The following MAST2 variants were observed in gnomAD, a reference collection of about 807,000 sequenced individuals.
MAST2 encodes the protein microtubule-associated serine/threonine-protein kinase 2.
In MAST2, 70 loss-of-function variants were observed where a neutral mutation model predicts 147.4. The observed-to-expected ratio is 0.47, with a 90% confidence interval of 0.39 to 0.58. MAST2 has a LOEUF of 0.58. Among genes scored for constraint, MAST2 ranks in the 20% least tolerant of loss-of-function variants. The pLI is 0.00. For synonymous variants in MAST2, 869 were observed against 896.8 expected (o/e 0.97, Z 0.55); for missense variants, 2,080 against 2,302.3 (o/e 0.90, Z 1.98).
rs749394760 is a variant in MAST2, at chr1:45,838,469, C to T, written c.468+8888C>T. Among the ~76,000 whole-genome samples, 45 of 152,006 alleles carry T rather than the reference C, an allele frequency of 3.0e-4. 1 individual carries two copies. In the Middle Eastern group the frequency reaches 0.034, roughly 115 times the overall value. On this transcript the variant is annotated intron_variant, in intron 3 of 28. Transcript: ENST00000361297. Reference sequence around the variant, plus strand: ...AACTCCTGACCTCAGGTGATCCACCCGCCTAGGCTTTCCAAAGTGCTGGGA... The same window carrying T: ...AACTCCTGACCTCAGGTGATCCACCTGCCTAGGCTTTCCAAAGTGCTGGGA...
rs35474583 is a variant in MAST2, at chr1:46,035,492, C to T, written c.4823C>T (p.Thr1608Ile). ...CCCAACCTAGGTCAGTCTGGAGCCACAGACCCCATCCCTCCTGAAGGTTGC... is the reference window on the plus strand; with the variant it reads ...CCCAACCTAGGTCAGTCTGGAGCCATAGACCCCATCCCTCCTGAAGGTTGC... ...AGPNLGQSGA[T>I]DPIPPEGCWK... Residue 1608 changes from threonine (T) to isoleucine (I), a missense_variant, in exon 29 of 29, where the codon ACA (threonine) becomes ATA (isoleucine). Thr to Ile is a moderately conservative substitution (Grantham distance 89). Transcript: ENST00000361297. This position sits in a 1 kb window ranked among gnomAD's most constrained non-coding sequence, Gnocchi z 5.5. 5.5e-4 allele frequency: 888 copies of T among 1,613,346 alleles called. 7 individuals carry two copies. The African/African-American group carries it at 0.011, about 20-fold the overall frequency.
In MAST2 at chr1:45,980,275, C is replaced by CAAAAA. The variant is rs35235290; in HGVS notation, c.593-17431_593-17427dup. The stretch of plus-strand genomic sequence containing the variant: ...GGGCAACAGAGTGAGACTGTGTTTC[C>CAAAAA]AAAAAAAAAAAAAAAAAAAAAAGGC... On this transcript the variant is annotated intron_variant, in intron 5 of 28. Transcript: ENST00000361297. 1.5e-3 allele frequency among the ~76,000 whole-genome samples: 129 copies of CAAAAA among 84,014 alleles called. 3 individuals are homozygous for CAAAAA. The highest frequency in any genetic ancestry group is 8.1e-3 in the East Asian group (21 of 2,602). The allele number at this position is 84,014 out of a possible 152,430, so 55.1% of individuals were successfully genotyped here.
rs377616815 is a variant in MAST2, at chr1:46,023,284, G to A, written c.1537G>A (p.Glu513Lys). Residue 513 changes from glutamate (E) to lysine (K), a missense_variant, in exon 14 of 29, where the codon GAG becomes AAG. By Grantham distance (56) the Glu-to-Lys change is moderately conservative (BLOSUM62 1). This residue lies in a region of MAST2 where 569 missense variants were observed against 642.5 expected (regional missense o/e 0.89). Coordinates refer to ENST00000361297, the MANE Select transcript of MAST2 (RefSeq NM_015112.3). This position sits in a 1 kb window ranked among gnomAD's most constrained non-coding sequence, Gnocchi z 4.9. ...SKKTPSEEDF[E>K]TIKLISNGAY... ...AAAGACACCCTCTGAAGAGGACTTCGAGACCATTAAGCTCATCAGCAATGG... is the reference window on the plus strand; with the variant it reads ...AAAGACACCCTCTGAAGAGGACTTCAAGACCATTAAGCTCATCAGCAATGG... 2.1e-5 allele frequency: 34 copies of A among 1,614,052 alleles called. No homozygotes were observed. The highest frequency in any genetic ancestry group is 6.7e-5 in the Admixed American group (4 of 60,012).
chr1:45,967,413 C>A (rs759137284), intron 5 of MAST2, among the ~76,000 whole-genome samples: 4 of 152,070 alleles, frequency 2.6e-5, no homozygotes, highest in Non-Finnish European at 5.9e-5. Context: ...CTACTAATAG[C>A]CTGCTGTTGA....
chr1:45,908,512 ATTTTC>A (rs1480296323), intron 4 of MAST2, among the ~76,000 whole-genome samples: 2 of 152,014 alleles, frequency 1.3e-5, no homozygotes, highest in Non-Finnish European at 2.9e-5. Flanking sequence ...ATATTTTCTA[ATTTTC>A]TTTGTCATTT....
At chr1:45,810,421 G>T (rs926655862) in intron 1 of MAST2, among the ~76,000 whole-genome samples, 2 of 152,168 alleles carry the variant, frequency 1.3e-5, no homozygotes, top group African/African-American at 4.8e-5. Context: ...ACTATAATCG[G>T]TTTGTTATTG....
chr1:45,907,849 T>C (rs1281023242), intron 4 of MAST2, among the ~76,000 whole-genome samples: 1 of 152,246 alleles, frequency 6.6e-6, no homozygotes, highest in Non-Finnish European at 1.5e-5. Context: ...TTATGTCACT[T>C]AGCATAATGC....
At chr1:45,927,336 C>T (rs979792483) in intron 4 of MAST2, among the ~76,000 whole-genome samples, 6 of 152,206 alleles carry the variant, frequency 3.9e-5, no homozygotes, top group East Asian at 3.9e-4. Context: ...ATTTATTAGG[C>T]GGGAATTTCC....
chr1:46,023,307 T>C lies in MAST2; in HGVS notation c.1560T>C (p.Asn520=). Residue 520 remains asparagine (N), a synonymous_variant, in exon 14 of 29, where the codon AAT becomes AAC. Transcript: ENST00000361297. This position sits in a 1 kb window ranked among gnomAD's most constrained non-coding sequence, Gnocchi z 4.9. ...TCGAGACCATTAAGCTCATCAGCAATGGCGCCTATGGGTAAAGGCAGGGGT... is the reference window on the plus strand; with the variant it reads ...TCGAGACCATTAAGCTCATCAGCAACGGCGCCTATGGGTAAAGGCAGGGGT... ...EDFETIKLIS[N]GAYGAVFLVR... is the part of the protein sequence containing the mutation. 1.2e-6 allele frequency: 2 copies of C among 1,614,086 alleles called. No individual in the cohort carries two copies. Among genetic ancestry groups the C allele is most frequent in the South Asian group, 1.1e-5 (1 of 91,082 alleles).
intron 4 of MAST2, among the ~76,000 whole-genome samples, chr1:45,943,953 C>G (rs1292826353): frequency 1.3e-5 from 2 of 152,072 alleles, no homozygotes; most frequent in African/African-American, 2.4e-5. Flanking sequence ...GGTGTTCCTC[C>G]TCTTGAATTC....
At chr1:45,865,460 T>C (rs1266363912) in intron 3 of MAST2, among the ~76,000 whole-genome samples, 1 of 152,174 alleles carries the variant, frequency 6.6e-6, no homozygotes, top group Non-Finnish European at 1.5e-5. Context: ...GGTGAACATA[T>C]TCTGTTCCTG....
chr1:45,811,888 C>A (rs1243918446), intron 1 of MAST2, among the ~76,000 whole-genome samples: 1 of 152,176 alleles, frequency 6.6e-6, no homozygotes, highest in Admixed American at 6.5e-5. Flanking sequence ...CCTGTCTCGG[C>A]CTCCCAAAGT....
At chr1:45,839,408 G>A (rs574271058) in intron 3 of MAST2, among the ~76,000 whole-genome samples, 77 of 152,188 alleles carry the variant, frequency 5.1e-4, no homozygotes, top group African/African-American at 1.8e-3. Flanking sequence ...GATCACAGGC[G>A]TGAGCCACCA....
At chr1:45,975,493 TCCAAAA>T (rs1644102204) in intron 5 of MAST2, among the ~76,000 whole-genome samples, 1 of 57,568 alleles carries the variant, frequency 1.7e-5, no homozygotes, top group African/African-American at 5.9e-5. Flanking sequence ...TCCCTGTCTC[TCCAAAA>T]AAAAAAAAAA....
chr1:45,984,478 T>A (rs1644535950), intron 5 of MAST2, among the ~76,000 whole-genome samples: 1 of 151,868 alleles, frequency 6.6e-6, no homozygotes, highest in Non-Finnish European at 1.5e-5. Flanking sequence ...AATAATTTTT[T>A]AAATTTTTGT....
In MAST2 at chr1:46,032,578, G is replaced by A; in HGVS notation, c.3415-18G>A. 1 of 1,613,294 alleles carries A rather than the reference G, an allele frequency of 6.2e-7. No individual in the cohort carries two copies. Among genetic ancestry groups the A allele is most frequent in the Non-Finnish European group, 8.5e-7 (1 of 1,179,522 alleles). ...GTGTTCAGGCTCCAGTCTGAGTACT[G>A]TTCTCTTCCTGGCACAGCACGTGGA... On this transcript the variant is annotated intron_variant, in intron 25 of 28. Transcript: ENST00000361297.
At chr1:46,004,160 C>T (rs543792665) in intron 7 of MAST2, among the ~76,000 whole-genome samples, 15 of 151,996 alleles carry the variant, frequency 9.9e-5, no homozygotes, top group African/African-American at 2.9e-4. Context: ...GTCAGGAGAT[C>T]GAGACCATCG....
intron 5 of MAST2, 88 bp downstream of exon 5, chr1:45,959,565 G>A (rs771895764): frequency 1.3e-4 from 138 of 1,063,882 alleles, no homozygotes; most frequent in Non-Finnish European, 1.7e-4. Flanking sequence ...GTGCAGTTCC[G>A]TATATTACAT....
At chr1:45,882,462 C>T (rs1570524568) in intron 4 of MAST2, 67 bp downstream of exon 4, 19 of 1,224,362 alleles carry the variant, frequency 1.6e-5, no homozygotes, top group Admixed American at 8.9e-5. Context: ...GGGAACATTT[C>T]CCACTATCAT....
Sources: allele counts gnomAD v4.1 joint callset (sites outside exome capture counted in the v4.1 genomes callset), GRCh38; gene constraint gnomAD v4.1.1; regional missense constraint gnomAD v4.1.1; non-coding constraint Gnocchi (gnomAD v3.1); transcripts MANE v1.5; gene names NCBI Gene and HGNC (gene_info 2026-07-23, HGNC 2026-07-21).